STK11: variants seen among roughly 807,000 people sequenced by gnomAD.
STK11 encodes serine/threonine-protein kinase STK11.
A neutral mutation model predicts 47.3 loss-of-function variants in STK11; 8 were observed. That is an observed-to-expected ratio of 0.17 (90% CI 0.10 to 0.31). STK11 has a LOEUF of 0.31. Ranked by LOEUF, STK11 falls within the 10% of genes least tolerant of loss-of-function variation. STK11 has a pLI of 1.00. For missense variants in STK11, 475 were observed against 605.0 expected (o/e 0.79, Z 2.25); for synonymous variants, 330 against 255.8 (o/e 1.29, Z -2.77).
chr19:1,223,846 G>A, intron 8 of STK11: 1 of 1,025,800 alleles, frequency 9.7e-7, no homozygotes, highest in Non-Finnish European at 1.2e-6. Flanking sequence ...GCCCAGGGCT[G>A]GGCCGTGTCA....
At position 1,220,649 on chromosome 19, in the gene STK11, C is replaced by T. The variant is rs542189325; in HGVS notation, c.666C>T (p.Pro222=). ...AGGGCTCCCCGGCTTTCCAGCCGCCCGAGATTGCCAACGGCCTGGACACCT... is the reference window on the plus strand; with the variant it reads ...AGGGCTCCCCGGCTTTCCAGCCGCCTGAGATTGCCAACGGCCTGGACACCT... ...TSQGSPAFQP[P]EIANGLDTFS... Residue 222 remains proline (P), a synonymous_variant, in exon 5 of 10, where the codon CCC becomes CCT. Coordinates refer to ENST00000326873, the MANE Select transcript of STK11 (RefSeq NM_000455.5). 430 of 1,609,920 alleles carry T rather than the reference C, an allele frequency of 2.7e-4. 4 individuals carry two copies. The South Asian group carries it at 4.1e-3, about 15-fold the overall frequency.
At chr19:1,213,138 A>G (rs2080723224) in intron 1 of STK11, among the ~76,000 whole-genome samples, 1 of 151,004 alleles carries the variant, frequency 6.6e-6, no homozygotes, top group Admixed American at 6.6e-5. Context: ...CTGGGACTAC[A>G]GGCGCCTGCC....
Position 1,226,547 on chromosome 19 carries a change from G to A in STK11, c.1202G>A (p.Ser401Asn), listed in dbSNP as rs587782291. Reference sequence around the variant, plus strand: ...AACGGCACAGAGGCGGCGCAGCTGAGCACCAAATCCAGGGCGGAGGGCCGG... The same window carrying A: ...AACGGCACAGAGGCGGCGCAGCTGAACACCAAATCCAGGGCGGAGGGCCGG... ...CMNGTEAAQL[S>N]TKSRAEGRAP... Residue 401 changes from serine to asparagine, a missense_variant, in exon 9 of 10, where the codon AGC becomes AAC. Ser to Asn is a conservative substitution (Grantham distance 46). This residue lies in a region of STK11 where 219 missense variants were observed against 189.2 expected (regional missense o/e 1.16). Transcript: ENST00000326873. 1.9e-6 allele frequency: 3 copies of A among 1,603,986 alleles called. No homozygotes were observed. The highest frequency in any genetic ancestry group is 2.6e-6 in the Non-Finnish European group (3 of 1,176,466).
At chr19:1,224,838 C>T in intron 8 of STK11, 2 of 985,546 alleles carry the variant, frequency 2.0e-6, no homozygotes, top group Non-Finnish European at 2.4e-6. Flanking sequence ...GTACTGGGTA[C>T]TCAGGTGGAC....
chr19:1,227,751 C>T lies in STK11; in HGVS notation c.*175C>T, dbSNP rs1261991974. 1.2e-5 allele frequency: 13 copies of T among 1,073,110 alleles called. No individual in the cohort carries two copies. Among genetic ancestry groups the T allele is most frequent in the Middle Eastern group, 4.0e-4 (1 of 2,478 alleles). 66.5% of individuals were successfully genotyped at this position (1,073,110 alleles called of 1,614,324 possible). On this transcript the variant is annotated 3_prime_UTR_variant, in exon 10 of 10. Transcript: ENST00000326873. ...GGGCCGGGCAGGGGGACAGCAGGGA[C>T]CGGGCGCAGCCCTCCCCCCTCGGCC... is the stretch of plus-strand genomic sequence containing the variant.
chr19:1,215,744 GT>G (rs980076002), intron 1 of STK11, among the ~76,000 whole-genome samples: 120 of 150,114 alleles, frequency 8.0e-4, no homozygotes, highest in African/African-American at 2.7e-3. Flanking sequence ...GACACCCCAA[GT>G]TTTTTTTTTG....
At chr19:1,212,621 T>C (rs2080719046) in intron 1 of STK11, among the ~76,000 whole-genome samples, 1 of 151,670 alleles carries the variant, frequency 6.6e-6, no homozygotes, top group South Asian at 2.1e-4. Context: ...GCTGGAGTGC[T>C]GTGGCACGAT....
Position 1,221,932 on chromosome 19 carries a change from C to T in STK11, c.863-17C>T, listed in dbSNP as rs535445817. The T allele has an allele frequency of 8.4e-6, 13 of 1,551,258 alleles. No individual in the cohort carries two copies. The highest frequency in any genetic ancestry group is 7.8e-5 in the Admixed American group (4 of 51,158). On this transcript the variant is annotated splice_polypyrimidine_tract_variant and intron_variant, in intron 6 of 9. Transcript: ENST00000326873. Reference sequence around the variant, plus strand: ...GCCTGTGCCCAGCTGACAGGCTCCTCGCCGGCTTCTCCTCAGGGATGCTTG... The same window carrying T: ...GCCTGTGCCCAGCTGACAGGCTCCTTGCCGGCTTCTCCTCAGGGATGCTTG...
At chr19:1,222,922 G>T in intron 7 of STK11, 63 bp from the exon 8 acceptor site, 1 of 1,481,472 alleles carries the variant, frequency 6.8e-7, no homozygotes, top group South Asian at 1.3e-5. Flanking sequence ...GAGGAGCTGG[G>T]TCGGAAAACT....
At chr19:1,209,401 G>GGT in intron 1 of STK11, among the ~76,000 whole-genome samples, 1 of 152,162 alleles carries the variant, frequency 6.6e-6, no homozygotes, top group Middle Eastern at 3.4e-3. Flanking sequence ...TGGCCAACAT[G>GGT]GTGAAACCCC....
At chr19:1,222,401 C>T (rs80094735) in intron 7 of STK11, among the ~76,000 whole-genome samples, 7 of 152,290 alleles carry the variant, frequency 4.6e-5, no homozygotes, top group Middle Eastern at 3.4e-3. Flanking sequence ...GACAGAGCAG[C>T]GGACGGGGTC....
intron 1 of STK11, among the ~76,000 whole-genome samples, chr19:1,214,644 G>A (rs924443370): frequency 2.6e-5 from 4 of 152,178 alleles, no homozygotes; most frequent in Admixed American, 2.0e-4. Context: ...CGGCCCCCAC[G>A]AGGCTCTGAG....
chr19:1,211,693 G>A lies in STK11; in HGVS notation c.290+4490G>A, dbSNP rs569759846. Among the ~76,000 whole-genome samples, 10 of 152,384 alleles carry A rather than the reference G, an allele frequency of 6.6e-5. No homozygotes were observed. In the East Asian group the frequency reaches 1.4e-3, roughly 21 times the overall value. On this transcript the variant is annotated intron_variant, in intron 1 of 9. Coordinates refer to ENST00000326873, the MANE Select transcript of STK11 (RefSeq NM_000455.5). ...CTTTTCTTTCTACCTGTTTGGAAAT[G>A]TGAAAATCACTGCTGCCGTAGGAAA...
At chr19:1,213,821 G>C (rs1285540491) in intron 1 of STK11, among the ~76,000 whole-genome samples, 7 of 152,228 alleles carry the variant, frequency 4.6e-5, no homozygotes, top group African/African-American at 1.7e-4. Context: ...CGCGGGTCTG[G>C]AGCTGGGTGT....
intron 7 of STK11, 37 bp downstream of exon 7, chr19:1,222,043 A>C (rs2145429048): frequency 6.4e-7 from 1 of 1,552,528 alleles, no homozygotes. Context: ...CCGAGGCTGC[A>C]GGGAGGCCGG....
chr19:1,210,429 G>T (rs572240793), intron 1 of STK11, among the ~76,000 whole-genome samples: 70 of 152,334 alleles, frequency 4.6e-4, no homozygotes, highest in Non-Finnish European at 7.8e-4. Context: ...ACCAAGGGGG[G>T]TGGGTTGGGG....
At chr19:1,216,352 G>A (rs1441867960) in intron 1 of STK11, 7 of 173,186 alleles carry the variant, frequency 4.0e-5, no homozygotes, top group East Asian at 3.0e-4. Context: ...TCGGCCGGGC[G>A]CGGTGACTCA....
At position 1,211,143 on chromosome 19, in the gene STK11, C is replaced by T. The variant is rs1415228830; in HGVS notation, c.290+3940C>T. ...TACAAAAATTAGCCAGGCGTGGTGG[C>T]GCGCGCCTGTAGTCCAGCTACTGGG... On this transcript the variant is annotated intron_variant, in intron 1 of 9. Coordinates refer to ENST00000326873, the MANE Select transcript of STK11 (RefSeq NM_000455.5). Among the ~76,000 whole-genome samples, 3 of 152,308 alleles carry T rather than the reference C, an allele frequency of 2.0e-5. No homozygotes were observed. The South Asian group carries it at 6.2e-4, about 32-fold the overall frequency.
At chr19:1,212,273 CTTTTTTTTTTT>C (rs775284754) in intron 1 of STK11, among the ~76,000 whole-genome samples, 5 of 89,838 alleles carry the variant, frequency 5.6e-5, no homozygotes, top group South Asian at 3.8e-4. Flanking sequence ...TTCTTAACAC[CTTTTTTTTTTT>C]TTTTTTTTTT....
Sources: gnomAD v4.1 joint callset for allele counts (sites outside exome capture counted in the v4.1 genomes callset) on GRCh38, gnomAD v4.1.1 for gene constraint, gnomAD v4.1.1 regional missense constraint, MANE v1.5 for transcripts, NCBI Gene and HGNC (gene_info 2026-07-23, HGNC 2026-07-21) for gene names.